The following PEMT variants were observed in gnomAD, a reference collection of about 807,000 sequenced individuals.
The protein encoded by PEMT is phospholipid methyltransferase.
A neutral mutation model predicts 27.4 loss-of-function variants in PEMT; 23 were observed. That is an observed-to-expected ratio of 0.84 (90% CI 0.60 to 1.19). The LOEUF is 1.19. Among genes scored for constraint, PEMT ranks in the 50% most tolerant of loss-of-function variants. The pLI, the probability that PEMT is intolerant of heterozygous loss-of-function variation, is 0.00. For synonymous variants in PEMT, 137 were observed against 139.1 expected (o/e 0.98, Z 0.11); for missense variants, 307 against 310.1 (o/e 0.99, Z 0.07).
chr17:17,563,388 A>G (rs1284969963), intron 2 of PEMT, among the ~76,000 whole-genome samples: 2 of 152,030 alleles, frequency 1.3e-5, no homozygotes, highest in Non-Finnish European at 2.9e-5. Flanking sequence ...CCGCATCCGC[A>G]GGGGCCCCCT....
At chr17:17,556,005 C>A (rs1367895995) in intron 2 of PEMT, among the ~76,000 whole-genome samples, 1 of 152,244 alleles carries the variant, frequency 6.6e-6, no homozygotes, top group Admixed American at 6.5e-5. Flanking sequence ...TGAAGTGCTG[C>A]GCACTGTGCC....
intron 2 of PEMT, among the ~76,000 whole-genome samples, chr17:17,562,066 C>T (rs548957696): frequency 5.9e-5 from 9 of 152,340 alleles, no homozygotes; most frequent in South Asian, 4.1e-4. Flanking sequence ...CCATTGGAGT[C>T]GGCCGTGCTG....
chr17:17,536,893 T>C (rs1401002707), intron 2 of PEMT, among the ~76,000 whole-genome samples: 1 of 152,118 alleles, frequency 6.6e-6, no homozygotes, highest in Non-Finnish European at 1.5e-5. Flanking sequence ...TCTGGCCCAG[T>C]CTGAGTGGAA....
chr17:17,519,141 C>G (rs1401811946), intron 3 of PEMT: 2 of 152,180 alleles, frequency 1.3e-5, no homozygotes, highest in African/African-American at 4.8e-5. Flanking sequence ...CGGTCCGGCT[C>G]CAGCACCTGC....
chr17:17,577,337 C>A (rs887873806), intron 1 of PEMT: 1 of 521,704 alleles, frequency 1.9e-6, no homozygotes, highest in Non-Finnish European at 2.9e-6. Context: ...GACCGAGACC[C>A]TCCTGGATGA....
intron 2 of PEMT, among the ~76,000 whole-genome samples, chr17:17,531,334 TG>T (rs954222334): frequency 6.8e-6 from 1 of 146,036 alleles, no homozygotes; most frequent in Non-Finnish European, 1.5e-5. Context: ...TATTCTGAAA[TG>T]GTTTTTTTTT....
At position 17,512,212 on chromosome 17, in the gene PEMT, C is replaced by T. The variant is rs559327226; in HGVS notation, c.466+297G>A. ...GACTCAAGGAGTCCTGCACCCAGCC[C>T]GGGCCGCAGAACGGGCATTGAGTGC... On this transcript the variant is annotated intron_variant, in intron 4 of 6. Transcript: ENST00000255389. The surrounding 1 kb of genome is among the most constrained non-coding windows in gnomAD (Gnocchi z 6.3). 2.0e-5 allele frequency among the ~76,000 whole-genome samples: 3 copies of T among 152,292 alleles called. No individual in the cohort carries two copies. Among genetic ancestry groups the T allele is most frequent in the Non-Finnish European group, 4.4e-5 (3 of 68,022 alleles).
intron 2 of PEMT, among the ~76,000 whole-genome samples, chr17:17,567,488 G>C (rs989116073): frequency 6.6e-6 from 1 of 152,270 alleles, no homozygotes; most frequent in East Asian, 1.9e-4. Context: ...AAAAGCCCAC[G>C]TCCACTGCCT....
At chr17:17,584,395 A>C (rs1036413950) in intron 1 of PEMT, among the ~76,000 whole-genome samples, 1 of 152,108 alleles carries the variant, frequency 6.6e-6, no homozygotes, top group Non-Finnish European at 1.5e-5. Flanking sequence ...TCCTGACCTC[A>C]TGATCCGCCT....
chr17:17,554,293 G>A (rs895123822), intron 2 of PEMT, among the ~76,000 whole-genome samples: 1 of 152,236 alleles, frequency 6.6e-6, no homozygotes, highest in African/African-American at 2.4e-5. Context: ...AAACAAGGGT[G>A]CAGTTCCTGA....
intron 2 of PEMT, among the ~76,000 whole-genome samples, chr17:17,555,774 T>C (rs931137657): frequency 6.6e-6 from 1 of 152,136 alleles, no homozygotes; most frequent in African/African-American, 2.4e-5. Flanking sequence ...CAGAAGCAAA[T>C]GCTCGCCCTC....
At chr17:17,516,996 G>A (rs902731135) in intron 3 of PEMT, among the ~76,000 whole-genome samples, 1 of 152,196 alleles carries the variant, frequency 6.6e-6, no homozygotes, top group Non-Finnish European at 1.5e-5. Context: ...GTGACCCTGG[G>A]TAGGCCTTTC....
chr17:17,563,417 G>C (rs1006412513), intron 2 of PEMT, among the ~76,000 whole-genome samples: 2 of 152,052 alleles, frequency 1.3e-5, no homozygotes, highest in Admixed American at 6.5e-5. Context: ...CACCTCGCAG[G>C]GAGGTACCAT....
chr17:17,544,286 T>C (rs1356854538), intron 2 of PEMT, among the ~76,000 whole-genome samples: 1 of 94,906 alleles, frequency 1.1e-5, no homozygotes, highest in Non-Finnish European at 2.8e-5. Flanking sequence ...TTTCTTTTCT[T>C]TTTTTTTTTT....
intron 3 of PEMT, among the ~76,000 whole-genome samples, chr17:17,518,581 G>A (rs548442634): frequency 6.6e-6 from 1 of 152,322 alleles, no homozygotes; most frequent in East Asian, 1.9e-4. Context: ...GTGCAGACCT[G>A]CTAACATAGT....
upstream of PEMT, chr17:17,591,810 G>A (rs1912605557): frequency 7.1e-7 from 1 of 1,415,070 alleles, no homozygotes; most frequent in African/African-American, 1.5e-5. Context: ...CTGGGGGCTC[G>A]CGACAGCGTC....
At chr17:17,563,784 C>T (rs866532117) in intron 2 of PEMT, among the ~76,000 whole-genome samples, 6 of 152,288 alleles carry the variant, frequency 3.9e-5, no homozygotes, top group Middle Eastern at 3.4e-3. Flanking sequence ...TTTCTAAGAA[C>T]GCACATGGCC....
chr17:17,586,254 A>C (rs1912271526), intron 1 of PEMT, among the ~76,000 whole-genome samples: 1 of 114,242 alleles, frequency 8.8e-6, no homozygotes, highest in Non-Finnish European at 1.7e-5. Flanking sequence ...GAAAGAAAGA[A>C]AGAAAGAAAG....
intron 2 of PEMT, among the ~76,000 whole-genome samples, chr17:17,522,629 T>G (rs1466004775): frequency 6.6e-6 from 1 of 152,144 alleles, no homozygotes; most frequent in Non-Finnish European, 1.5e-5. Context: ...AACAAGGTCC[T>G]TCTGGAAACA....
Sources: allele counts gnomAD v4.1 joint callset (sites outside exome capture counted in the v4.1 genomes callset), GRCh38; gene constraint gnomAD v4.1.1; non-coding constraint Gnocchi (gnomAD v3.1); transcripts MANE v1.5; gene names NCBI Gene and HGNC (gene_info 2026-07-23, HGNC 2026-07-21).